MSRA: variants seen among roughly 807,000 people sequenced by gnomAD.
The protein encoded by MSRA is mitochondrial peptide methionine sulfoxide reductase.
In MSRA, 54 loss-of-function variants were observed where a neutral mutation model predicts 31.3. The observed-to-expected ratio is 1.73, with a 90% CI of 1.39 to 2.17. The LOEUF (loss-of-function observed/expected upper bound fraction) is 2.17, where lower values mean the gene tolerates loss of function less well. MSRA is among the 30% of genes most tolerant of loss of function. The pLI is 0.00. For missense variants in MSRA, 507 were observed against 300.9 expected, an observed-to-expected ratio of 1.69 and a Z score of -5.07; for synonymous variants, 169 against 116.5, an observed-to-expected ratio of 1.45 and a Z score of -2.90.
At chr8:10,192,225 A>G (rs937036246) in intron 1 of MSRA, among the ~76,000 whole-genome samples, 4 of 152,192 alleles carry the variant, frequency 2.6e-5, no homozygotes, top group Admixed American at 6.5e-5. Flanking sequence ...GCAGTGAATC[A>G]CTAAGTTCGG....
intron 3 of MSRA, among the ~76,000 whole-genome samples, chr8:10,251,153 C>T (rs954413346): frequency 6.6e-6 from 1 of 152,066 alleles, no homozygotes; most frequent in East Asian, 1.9e-4. Context: ...TGCTTGAGAA[C>T]TCTAACTGAG....
At chr8:10,342,146 G>T (rs975523157) in intron 5 of MSRA, among the ~76,000 whole-genome samples, 2 of 152,286 alleles carry the variant, frequency 1.3e-5, no homozygotes, top group East Asian at 1.9e-4. Flanking sequence ...CTTAAGTTCT[G>T]TTCTTCAGTG....
chr8:10,216,407 T>A (rs1309812544), intron 2 of MSRA, among the ~76,000 whole-genome samples: 1 of 150,972 alleles, frequency 6.6e-6, no homozygotes, highest in East Asian at 2.0e-4. Flanking sequence ...TTTTAAAAAA[T>A]TGTGGTAACA....
chr8:10,196,236 C>T lies in MSRA; in HGVS notation c.143-11597C>T, dbSNP rs548024105. ...GTATACTGTGGAGCTTCTCTAGAAACGTGTGCCACCTTCTCTTCGTGCTGT... is the reference window on the plus strand; with the variant it reads ...GTATACTGTGGAGCTTCTCTAGAAATGTGTGCCACCTTCTCTTCGTGCTGT... On this transcript the variant is annotated intron_variant, in intron 1 of 5. Transcript: ENST00000317173. 7.2e-5 allele frequency among the ~76,000 whole-genome samples: 11 copies of T among 152,318 alleles called. No individual in the cohort carries two copies. The East Asian group carries it at 1.7e-3, about 24-fold the overall frequency.
At chr8:10,284,419 C>T (rs150595451) in intron 3 of MSRA, among the ~76,000 whole-genome samples, 1 of 152,266 alleles carries the variant, frequency 6.6e-6, no homozygotes, top group East Asian at 1.9e-4. Flanking sequence ...GACTCAAACT[C>T]CTCACCTCAA....
intron 3 of MSRA, among the ~76,000 whole-genome samples, chr8:10,265,804 C>G (rs1798718611): frequency 6.6e-6 from 1 of 152,214 alleles, no homozygotes; most frequent in Non-Finnish European, 1.5e-5. Flanking sequence ...AACCTCTGAT[C>G]TGCTTCCTGT....
chr8:10,158,016 C>G (rs1401152755), intron 1 of MSRA, among the ~76,000 whole-genome samples: 1 of 152,128 alleles, frequency 6.6e-6, no homozygotes, highest in African/African-American at 2.4e-5. Flanking sequence ...GTGGAAAGTC[C>G]AAGATCAAGG....
intron 1 of MSRA, among the ~76,000 whole-genome samples, chr8:10,111,713 A>G (rs953544406): frequency 6.6e-6 from 1 of 152,270 alleles, no homozygotes; most frequent in Non-Finnish European, 1.5e-5. Context: ...AGAGCAGTCA[A>G]AAGCCTAAAG....
At chr8:10,134,305 C>G (rs532884536) in intron 1 of MSRA, among the ~76,000 whole-genome samples, 1 of 152,222 alleles carries the variant, frequency 6.6e-6, no homozygotes, top group Admixed American at 6.5e-5. Context: ...AAAAAAGAAG[C>G]CTCCAGCTTC....
intron 5 of MSRA, among the ~76,000 whole-genome samples, chr8:10,413,797 G>C (rs113383599): frequency 0.046 from 6,941 of 152,178 alleles, 415 homozygotes; most frequent in African/African-American, 0.13. Context: ...CTGAGGAACA[G>C]AATTTAAAAT....
chr8:10,121,490 G>C lies in MSRA; in HGVS notation c.142+66832G>C, dbSNP rs1202051216. Among the ~76,000 whole-genome samples the C allele has an allele frequency of 3.3e-5, 5 of 152,328 alleles. No individual in the cohort carries two copies. In the East Asian group the frequency reaches 9.6e-4, roughly 29 times the overall value. On this transcript the variant is annotated intron_variant, in intron 1 of 5. Transcript: ENST00000317173. ...GAGCGATCCAGGATGGGGATTTTGT[G>C]GGGGCAGGTGTGGCAGGGGTTTAAG...
intron 5 of MSRA, among the ~76,000 whole-genome samples, chr8:10,385,443 T>G (rs1806326219): frequency 6.6e-6 from 1 of 151,896 alleles, no homozygotes; most frequent in Admixed American, 6.6e-5. Flanking sequence ...GAATGACGGG[T>G]GGTACATGGC....
chr8:10,347,389 A>G (rs1803848215), intron 5 of MSRA, among the ~76,000 whole-genome samples: 1 of 152,264 alleles, frequency 6.6e-6, no homozygotes, highest in South Asian at 2.1e-4. Flanking sequence ...CAAACATTTG[A>G]TCTTTCTCCC....
intron 4 of MSRA, among the ~76,000 whole-genome samples, chr8:10,314,584 A>G (rs1585440855): frequency 6.6e-6 from 1 of 152,238 alleles, no homozygotes; most frequent in Non-Finnish European, 1.5e-5. Flanking sequence ...CTACTCTGGA[A>G]AAATAGTTCA....
intron 1 of MSRA, among the ~76,000 whole-genome samples, chr8:10,172,033 A>G (rs1328513673): frequency 1.3e-5 from 2 of 152,352 alleles, no homozygotes; most frequent in East Asian, 3.9e-4. Context: ...AGTAATAACA[A>G]GACATAGAAA....
In MSRA at chr8:10,243,335, G is replaced by A. The variant is rs867023894; in HGVS notation, c.212-1769G>A. On this transcript the variant is annotated intron_variant, in intron 2 of 5. Transcript: ENST00000317173. ...GTGGTCATTTATGTGCAGTGAAGCT[G>A]CTCCACTCACCTACAGCTTGTCCTT... Among the ~76,000 whole-genome samples the A allele has an allele frequency of 2.0e-5, 3 of 152,256 alleles. No homozygotes were observed. The South Asian group carries it at 6.2e-4, about 31-fold the overall frequency.
At chr8:10,098,615 A>G (rs1799329828) in intron 1 of MSRA, among the ~76,000 whole-genome samples, 1 of 152,226 alleles carries the variant, frequency 6.6e-6, no homozygotes, top group East Asian at 1.9e-4. Flanking sequence ...TAATTTCAAC[A>G]AAGTATGTTC....
chr8:10,086,582 T>C (rs1265654291), intron 1 of MSRA, among the ~76,000 whole-genome samples: 1 of 152,196 alleles, frequency 6.6e-6, no homozygotes, highest in Admixed American at 6.5e-5. Flanking sequence ...AAGTAATACC[T>C]ATTTTCCTCC....
At chr8:10,110,559 G>A (rs1434057387) in intron 1 of MSRA, among the ~76,000 whole-genome samples, 1 of 152,186 alleles carries the variant, frequency 6.6e-6, no homozygotes, top group Non-Finnish European at 1.5e-5. Flanking sequence ...TTCTTTCATT[G>A]TTTTCTGTAC....
Sources: gnomAD v4.1 joint callset for allele counts (sites outside exome capture counted in the v4.1 genomes callset) on GRCh38, gnomAD v4.1.1 for gene constraint, MANE v1.5 for transcripts, NCBI Gene and HGNC (gene_info 2026-07-23, HGNC 2026-07-21) for gene names.